The following SLC41A2 variants were observed in gnomAD, a reference collection of about 807,000 sequenced individuals.
The protein encoded by SLC41A2 is solute carrier family 41 member 2.
In SLC41A2, 32 loss-of-function variants were observed where a neutral mutation model predicts 58.3. That is an observed-to-expected ratio of 0.55 (90% CI 0.41 to 0.74). The LOEUF (loss-of-function observed/expected upper bound fraction) is 0.74. Ranked by LOEUF, SLC41A2 falls within the 30% of genes least tolerant of loss-of-function variation. The pLI, the probability that SLC41A2 is intolerant of heterozygous loss-of-function variation, is 0.00. For synonymous variants in SLC41A2, 190 were observed against 235.0 expected (o/e 0.81, Z 1.75); for missense variants, 514 against 680.6 (o/e 0.76, Z 2.72).
intron 6 of SLC41A2, among the ~76,000 whole-genome samples, chr12:104,876,851 G>A (rs896918729): frequency 1.3e-5 from 2 of 152,138 alleles, no homozygotes; most frequent in African/African-American, 2.4e-5. Flanking sequence ...CTGTCTGGAT[G>A]ATCTCTCCAG....
chr12:104,918,641 A>AC (rs1555214376), intron 2 of SLC41A2, among the ~76,000 whole-genome samples: 3 of 151,210 alleles, frequency 2.0e-5, no homozygotes, highest in South Asian at 2.1e-4. Context: ...AAAAAAAAAA[A>AC]AAAAAACTAA....
chr12:104,888,151 A>G (rs2044766441), intron 5 of SLC41A2, among the ~76,000 whole-genome samples: 1 of 152,064 alleles, frequency 6.6e-6, no homozygotes, highest in Admixed American at 6.6e-5. Context: ...GCTTTGGTCA[A>G]TGTTAACTCC....
intron 2 of SLC41A2, among the ~76,000 whole-genome samples, chr12:104,910,556 G>A (rs1293881690): frequency 6.6e-6 from 1 of 152,108 alleles, no homozygotes; most frequent in Non-Finnish European, 1.5e-5. Flanking sequence ...TCTCAGCCAA[G>A]GGCATTCCAA....
intron 6 of SLC41A2, among the ~76,000 whole-genome samples, chr12:104,867,723 C>G (rs1288430835): frequency 6.7e-6 from 1 of 150,178 alleles, no homozygotes; most frequent in East Asian, 2.0e-4. Flanking sequence ...GCCATCACAT[C>G]TTCTCACAGT....
rs376390135 is a variant in SLC41A2, at chr12:104,881,663, C to T, written c.1027+4630G>A. On this transcript the variant is annotated intron_variant, in intron 6 of 10. Transcript: ENST00000258538. ...TCTTAATCCTGAGTTCTAATGATTG[C>T]ACTGTGGTCTGAGAGATAGTTTGTT... 3.3e-5 allele frequency among the ~76,000 whole-genome samples: 5 copies of T among 152,154 alleles called. No homozygotes were observed. The East Asian group carries it at 7.7e-4, about 23-fold the overall frequency.
chr12:104,954,646 A>G (rs1237550104), intron 1 of SLC41A2, among the ~76,000 whole-genome samples: 3 of 152,256 alleles, frequency 2.0e-5, no homozygotes, highest in African/African-American at 7.2e-5. Flanking sequence ...AAGTAAAAAC[A>G]CATTTTGGGT....
intron 7 of SLC41A2, 49 bp from the exon 8 acceptor site, chr12:104,861,419 C>T (rs2043208291): frequency 3.0e-6 from 4 of 1,346,612 alleles, no homozygotes; most frequent in Non-Finnish European, 4.2e-6. Flanking sequence ...AGAGAACATA[C>T]TTGAAGTTAT....
intron 10 of SLC41A2, among the ~76,000 whole-genome samples, chr12:104,828,152 G>A (rs1452292430): frequency 6.6e-6 from 1 of 152,170 alleles, no homozygotes; most frequent in Non-Finnish European, 1.5e-5. Flanking sequence ...AAACAGATGG[G>A]CGGCTGAACG....
intron 1 of SLC41A2, among the ~76,000 whole-genome samples, chr12:104,941,968 A>T (rs762067474): frequency 1.9e-4 from 29 of 152,244 alleles, no homozygotes; most frequent in Non-Finnish European, 3.1e-4. Flanking sequence ...TTATTCATTC[A>T]AACAATTACC....
At position 104,802,447 on chromosome 12, in the gene SLC41A2, G is replaced by A. The variant is rs183173043; in HGVS notation, c.*2705C>T. 144 of 152,070 alleles carry A rather than the reference G, an allele frequency of 9.5e-4. No homozygotes were observed. Among genetic ancestry groups the A allele is most frequent in the African/African-American group, 3.1e-3 (129 of 41,460 alleles). The allele number at this position is 152,070 out of a possible 1,614,324, so 9.4% of individuals were successfully genotyped here. On this transcript the variant is annotated 3_prime_UTR_variant, in exon 11 of 11. Coordinates refer to ENST00000258538, the MANE Select transcript of SLC41A2 (RefSeq NM_001352171.3). ...AGGAATCTACATCCCTTTTATAATC[G>A]GCGAATTGGTGACTAATGTTTTTAT... is the stretch of plus-strand genomic sequence containing the variant.
At chr12:104,893,076 G>A (rs2045096780) in intron 4 of SLC41A2, among the ~76,000 whole-genome samples, 1 of 152,132 alleles carries the variant, frequency 6.6e-6, no homozygotes, top group Admixed American at 6.5e-5. Context: ...CCCACAGAAT[G>A]GGAGAAAATA....
At chr12:104,844,922 T>C (rs1219063873) in intron 9 of SLC41A2, among the ~76,000 whole-genome samples, 1 of 151,536 alleles carries the variant, frequency 6.6e-6, no homozygotes, top group Non-Finnish European at 1.5e-5. Context: ...AAGAATGTTT[T>C]AATTTTATTA....
intron 8 of SLC41A2, among the ~76,000 whole-genome samples, chr12:104,850,252 A>T (rs1203348303): frequency 3.3e-5 from 5 of 152,154 alleles, no homozygotes; most frequent in South Asian, 2.1e-4. Flanking sequence ...TTATAATAGG[A>T]TTATCTGGCT....
chr12:104,867,727 T>G lies in SLC41A2; in HGVS notation c.1028-1148A>C, dbSNP rs144025451. On this transcript the variant is annotated intron_variant, in intron 6 of 10. Coordinates refer to ENST00000258538, the MANE Select transcript of SLC41A2 (RefSeq NM_001352171.3). ...TGTATGGATTTGCCATCACATCTTC[T>G]CACAGTCCTGTAGCCTACAGCCTTA... Among the ~76,000 whole-genome samples, 51 of 146,180 alleles carry G rather than the reference T, an allele frequency of 3.5e-4. 2 individuals are homozygous for G. The East Asian group carries it at 0.01, about 30-fold the overall frequency.
At chr12:104,935,625 T>G (rs1157945475) in intron 1 of SLC41A2, among the ~76,000 whole-genome samples, 2 of 152,268 alleles carry the variant, frequency 1.3e-5, no homozygotes, top group East Asian at 3.9e-4. Flanking sequence ...ACTCTTTAGG[T>G]GCTACAGGCA....
At chr12:104,912,036 A>G (rs1292970978) in intron 2 of SLC41A2, among the ~76,000 whole-genome samples, 2 of 152,202 alleles carry the variant, frequency 1.3e-5, no homozygotes, top group Non-Finnish European at 2.9e-5. Context: ...TGTTCCAGGC[A>G]CTGTTCTTTA....
intron 2 of SLC41A2, among the ~76,000 whole-genome samples, chr12:104,916,928 T>G (rs2046348558): frequency 6.6e-6 from 1 of 151,440 alleles, no homozygotes; most frequent in African/African-American, 2.4e-5. Context: ...GGACTTCATG[T>G]CTAAAACACC....
At chr12:104,824,995 C>G (rs2041786393) in intron 10 of SLC41A2, among the ~76,000 whole-genome samples, 1 of 151,304 alleles carries the variant, frequency 6.6e-6, no homozygotes, top group South Asian at 2.1e-4. Context: ...TTTTAAACCG[C>G]CCTAACTGGG....
intron 5 of SLC41A2, among the ~76,000 whole-genome samples, chr12:104,887,051 G>A (rs1231389081): frequency 6.6e-6 from 1 of 151,974 alleles, no homozygotes; most frequent in Non-Finnish European, 1.5e-5. Flanking sequence ...AATAGAAGAT[G>A]AAAATTTAAC....
Sources: gnomAD v4.1 joint callset for allele counts (sites outside exome capture counted in the v4.1 genomes callset) on GRCh38, gnomAD v4.1.1 for gene constraint, MANE v1.5 for transcripts, NCBI Gene and HGNC (gene_info 2026-07-23, HGNC 2026-07-21) for gene names.